RNF180: variants seen among roughly 807,000 people sequenced by gnomAD.
RNF180 encodes the protein E3 ubiquitin-protein ligase RNF180.
In RNF180, 38 loss-of-function variants were observed where a neutral mutation model predicts 59.2. The observed-to-expected ratio is 0.64, with a 90% CI of 0.50 to 0.84. The LOEUF is 0.84. Ranked by LOEUF, RNF180 falls within the 40% of genes least tolerant of loss-of-function variation. The probability of loss-of-function intolerance (pLI) is 0.00; values close to 1 mark genes in which losing one functional copy is unlikely to be tolerated. For missense variants in RNF180, 705 were observed against 700.9 expected, an observed-to-expected ratio of 1.01 and a Z score of -0.07; for synonymous variants, 262 against 240.3, an observed-to-expected ratio of 1.09 and a Z score of -0.84.
chr5:64,364,231 C>T (rs989569464), intron 7 of RNF180, among the ~76,000 whole-genome samples: 4 of 151,734 alleles, frequency 2.6e-5, no homozygotes, highest in Admixed American at 6.6e-5. Flanking sequence ...TCATAGATGG[C>T]CCTTATTATT....
intron 1 of RNF180, among the ~76,000 whole-genome samples, chr5:64,190,116 C>G (rs1751066624): frequency 6.6e-6 from 1 of 152,094 alleles, no homozygotes; most frequent in African/African-American, 2.4e-5. Context: ...AAGGCTGCCA[C>G]CCAGAGCCAA....
chr5:64,221,978 C>T (rs773400888), intron 5 of RNF180, among the ~76,000 whole-genome samples: 8 of 151,954 alleles, frequency 5.3e-5, no homozygotes, highest in African/African-American at 9.7e-5. Context: ...TTAGTTTTTA[C>T]CTAATAAGTC....
At chr5:64,270,055 C>T (rs74948511) in intron 5 of RNF180, among the ~76,000 whole-genome samples, 2,871 of 150,956 alleles carry the variant, frequency 0.019, 90 homozygotes, top group African/African-American at 0.066. Context: ...ACACAAAAGC[C>T]TTTAGTGGAT....
chr5:64,279,048 C>T (rs1741868501), intron 5 of RNF180, among the ~76,000 whole-genome samples: 1 of 152,062 alleles, frequency 6.6e-6, no homozygotes, highest in Non-Finnish European at 1.5e-5. Context: ...TATGACTACT[C>T]AAGGAGAATG....
chr5:64,302,817 A>C (rs997880008), intron 5 of RNF180, among the ~76,000 whole-genome samples: 1 of 151,664 alleles, frequency 6.6e-6, no homozygotes, highest in Non-Finnish European at 1.5e-5. Context: ...TAATCTAGAA[A>C]GAACTTGTTG....
intron 7 of RNF180, among the ~76,000 whole-genome samples, chr5:64,338,108 T>C (rs1055584092): frequency 6.6e-6 from 1 of 152,232 alleles, no homozygotes; most frequent in African/African-American, 2.4e-5. Flanking sequence ...TTGAAATATA[T>C]TGATATTGGT....
At chr5:64,255,608 A>C (rs1359418002) in intron 5 of RNF180, among the ~76,000 whole-genome samples, 1 of 152,224 alleles carries the variant, frequency 6.6e-6, no homozygotes, top group Admixed American at 6.5e-5. Context: ...ATTGTTGGAC[A>C]TTTGGGTTGG....
intron 5 of RNF180, among the ~76,000 whole-genome samples, chr5:64,219,962 G>A (rs902269488): frequency 3.3e-5 from 5 of 152,016 alleles, no homozygotes; most frequent in African/African-American, 1.2e-4. Context: ...ACTTCATATG[G>A]GGTAAATTTT....
At chr5:64,215,015 T>A (rs1752543207) in intron 4 of RNF180, among the ~76,000 whole-genome samples, 1 of 152,152 alleles carries the variant, frequency 6.6e-6, no homozygotes, top group African/African-American at 2.4e-5. Flanking sequence ...TAGTTATGAT[T>A]AACTGTGCTA....
intron 5 of RNF180, among the ~76,000 whole-genome samples, chr5:64,219,027 A>T (rs1388172528): frequency 6.6e-6 from 1 of 152,198 alleles, no homozygotes; most frequent in Non-Finnish European, 1.5e-5. Context: ...ATTATAGTAT[A>T]ATGCTGAATG....
chr5:64,201,276 A>G (rs189315609), intron 2 of RNF180, among the ~76,000 whole-genome samples: 73 of 152,334 alleles, frequency 4.8e-4, no homozygotes, highest in African/African-American at 1.7e-3. Flanking sequence ...TAATCACTGC[A>G]CAATTAAATT....
chr5:64,307,172 C>G (rs1401307654), intron 5 of RNF180, among the ~76,000 whole-genome samples: 1 of 149,306 alleles, frequency 6.7e-6, no homozygotes, highest in Non-Finnish European at 1.5e-5. Context: ...ATGGCTCTTT[C>G]CCATCTAGTA....
At chr5:64,235,451 TAAAC>T (rs1742379389) in intron 5 of RNF180, among the ~76,000 whole-genome samples, 1 of 152,186 alleles carries the variant, frequency 6.6e-6, no homozygotes, top group Non-Finnish European at 1.5e-5. Flanking sequence ...TTACAATAAA[TAAAC>T]AACACTGTTT....
chr5:64,283,808 T>G (rs1404426371), intron 5 of RNF180, among the ~76,000 whole-genome samples: 1 of 152,198 alleles, frequency 6.6e-6, no homozygotes, highest in Non-Finnish European at 1.5e-5. Flanking sequence ...TTACACAGTC[T>G]TAGATATTTC....
chr5:64,191,226 C>G (rs935900730), intron 1 of RNF180, among the ~76,000 whole-genome samples: 10 of 152,188 alleles, frequency 6.6e-5, no homozygotes, highest in African/African-American at 2.4e-4. Flanking sequence ...AACACTTCCT[C>G]TTACCATGCA....
chr5:64,170,085 G>A (rs1233646152), intron 1 of RNF180, among the ~76,000 whole-genome samples: 2 of 152,194 alleles, frequency 1.3e-5, no homozygotes, highest in East Asian at 1.9e-4. Flanking sequence ...AAGGCATGAG[G>A]TTGCCTGTGT....
rs541783554 is a variant in RNF180 at position 64,307,106 on chromosome 5, T to C, written c.1228-18080T>C. ...TGTGAGCCAAAGGATAGCAAATCTC[T>C]TCATGCTTTCTGTCATTTCACTTTC... is the stretch of plus-strand genomic sequence containing the variant. On this transcript the variant is annotated intron_variant, in intron 5 of 7. Transcript: ENST00000389100. Among the ~76,000 whole-genome samples the C allele has an allele frequency of 3.3e-3, 449 of 135,086 alleles. 3 individuals are homozygous for C. The highest frequency in any genetic ancestry group is 0.013 in the African/African-American group (440 of 34,816). The allele number at this position is 135,086 out of a possible 152,430, so 88.6% of individuals were successfully genotyped here.
intron 1 of RNF180, among the ~76,000 whole-genome samples, chr5:64,185,168 T>C (rs1464074553): frequency 1.3e-5 from 2 of 152,296 alleles, no homozygotes; most frequent in East Asian, 3.9e-4. Context: ...TCAGCATATA[T>C]CTAGAATTTG....
chr5:64,278,226 T>C (rs1741830054), intron 5 of RNF180, among the ~76,000 whole-genome samples: 1 of 152,176 alleles, frequency 6.6e-6, no homozygotes, highest in African/African-American at 2.4e-5. Context: ...ACTTTTAACG[T>C]AATGATCTCA....
Sources: allele counts gnomAD v4.1 joint callset (sites outside exome capture counted in the v4.1 genomes callset), GRCh38; gene constraint gnomAD v4.1.1; transcripts MANE v1.5; gene names NCBI Gene and HGNC (gene_info 2026-07-23, HGNC 2026-07-21).